DPP10: variants seen among roughly 807,000 people sequenced by gnomAD.
DPP10 encodes inactive dipeptidyl peptidase 10.
In DPP10, 33 loss-of-function variants were observed where a neutral mutation model predicts 120.9. That is an observed-to-expected ratio of 0.27 (90% CI 0.21 to 0.37). DPP10 has a LOEUF of 0.37. DPP10 is among the 10% of genes least tolerant of loss of function. The pLI is 1.00. For synonymous variants in DPP10, 337 were observed against 326.1 expected (o/e 1.03, Z -0.36); for missense variants, 816 against 942.8 (o/e 0.87, Z 1.76).
intron 1 of DPP10, among the ~76,000 whole-genome samples, chr2:115,243,962 G>A (rs907857329): frequency 1.3e-5 from 2 of 150,894 alleles, no homozygotes; most frequent in African/African-American, 2.4e-5. Flanking sequence ...AATTTTTCTT[G>A]TTATTTTGAA....
At chr2:114,860,185 T>C (rs1438599511) in intron 1 of DPP10, among the ~76,000 whole-genome samples, 1 of 152,202 alleles carries the variant, frequency 6.6e-6, no homozygotes, top group African/African-American at 2.4e-5. Context: ...TTCATTTCAT[T>C]AAGATTAAAT....
rs755009555 is a variant in DPP10, at chr2:114,850,000, T to A, written c.60+407162T>A. Among the ~76,000 whole-genome samples, 115 of 114,416 alleles carry A rather than the reference T, an allele frequency of 1.0e-3. 1 individual carries two copies. Among genetic ancestry groups the A allele is most frequent in the Non-Finnish European group, 2.5e-4 (14 of 56,608 alleles). 75.1% of individuals were successfully genotyped at this position (114,416 alleles called of 152,430 possible). The stretch of plus-strand genomic sequence containing the variant: ...TCCCTCCCCTCTCCTCCCCATCCCC[T>A]CCCCTCCCTTCCCTTCCCTTCCCTT... On this transcript the variant is annotated intron_variant, in intron 1 of 25. Transcript: ENST00000410059.
At chr2:114,824,723 G>A (rs758770006) in intron 1 of DPP10, among the ~76,000 whole-genome samples, 35 of 152,162 alleles carry the variant, frequency 2.3e-4, no homozygotes, top group East Asian at 1.2e-3. Context: ...TAAAAATAGC[G>A]TTAATTGATT....
chr2:114,997,506 A>G (rs1008095866), intron 1 of DPP10, among the ~76,000 whole-genome samples: 1 of 6,754 alleles, frequency 1.5e-4, no homozygotes, highest in African/African-American at 1.6e-4. Context: ...AAAAGAAAAA[A>G]AAAAAGAAAA....
chr2:115,800,360 A>G (rs1424838140), intron 19 of DPP10, among the ~76,000 whole-genome samples: 8 of 152,074 alleles, frequency 5.3e-5, no homozygotes, highest in Admixed American at 1.3e-4. Context: ...AGTAGGTTGC[A>G]AAAATTTTCT....
intron 1 of DPP10, among the ~76,000 whole-genome samples, chr2:114,566,989 T>C (rs1346826946): frequency 6.6e-6 from 1 of 152,170 alleles, no homozygotes; most frequent in African/African-American, 2.4e-5. Context: ...GTTGGTTCAT[T>C]ACAGCACCAG....
At chr2:115,660,655 C>CTTTTTTTTT in intron 5 of DPP10, among the ~76,000 whole-genome samples, 7 of 25,320 alleles carry the variant, frequency 2.8e-4, no homozygotes, top group African/African-American at 4.7e-4. Context: ...CTCTGTCTGG[C>CTTTTTTTTT]TTTTTTTTTT....
At chr2:114,833,842 G>T (rs1380287561) in intron 1 of DPP10, 12 of 152,112 alleles carry the variant, frequency 7.9e-5, no homozygotes, top group Admixed American at 7.9e-4. Flanking sequence ...GAATTGATAT[G>T]GTCAAAATCA....
intron 1 of DPP10, among the ~76,000 whole-genome samples, chr2:114,945,197 A>G (rs1697255324): frequency 6.6e-6 from 1 of 152,228 alleles, no homozygotes; most frequent in Non-Finnish European, 1.5e-5. Context: ...GATATTTTAG[A>G]TACAATACTA....
intron 4 of DPP10, among the ~76,000 whole-genome samples, chr2:115,512,662 G>A (rs532587615): frequency 1.8e-4 from 28 of 151,824 alleles, no homozygotes; most frequent in African/African-American, 6.5e-4. Flanking sequence ...TGGTTATTTA[G>A]GTAACTGTTG....
chr2:115,716,012 G>A (rs751299764), intron 7 of DPP10, among the ~76,000 whole-genome samples: 7 of 152,092 alleles, frequency 4.6e-5, no homozygotes, highest in African/African-American at 9.7e-5. Context: ...AAGTGAATGC[G>A]GTTCACTAAG....
chr2:114,983,341 TCTTG>T (rs1401896691), intron 1 of DPP10, among the ~76,000 whole-genome samples: 4 of 152,334 alleles, frequency 2.6e-5, no homozygotes, highest in East Asian at 1.9e-4. Flanking sequence ...TGAAAGCTCT[TCTTG>T]CTTCTGTATT....
At chr2:114,703,672 G>A (rs1700516154) in intron 1 of DPP10, among the ~76,000 whole-genome samples, 1 of 152,098 alleles carries the variant, frequency 6.6e-6, no homozygotes, top group Non-Finnish European at 1.5e-5. Flanking sequence ...GTGGTGACTG[G>A]TATATCAGGC....
Position 115,702,764 on chromosome 2 carries a change from A to G in DPP10, c.576+12843A>G, listed in dbSNP as rs185241823. Among the ~76,000 whole-genome samples the G allele has an allele frequency of 5.3e-5, 8 of 152,216 alleles. No homozygotes were observed. The East Asian group carries it at 1.5e-3, about 29-fold the overall frequency. Reference sequence around the variant, plus strand: ...CTTTTTGAGATAATGCAAATTTTATAAAATTGACTGTGATAATAGCTGCAC... The same window carrying G: ...CTTTTTGAGATAATGCAAATTTTATGAAATTGACTGTGATAATAGCTGCAC... On this transcript the variant is annotated intron_variant, in intron 7 of 25. Transcript: ENST00000410059.
chr2:115,818,912 G>GA (rs35226682), intron 21 of DPP10, among the ~76,000 whole-genome samples: 44,727 of 151,940 alleles, frequency 0.29, 6,801 homozygotes, highest in Middle Eastern at 0.46. Context: ...ATCTTAAATG[G>GA]AAAAAATATT....
Position 114,966,617 on chromosome 2 carries a change from G to T in DPP10, c.61-342622G>T, listed in dbSNP as rs1171925653. The stretch of plus-strand genomic sequence containing the variant: ...TTTCTTCACAGACAGCCCAGTCTCA[G>T]GTATTCTGTTACAGCAACACACATG... On this transcript the variant is annotated intron_variant, in intron 1 of 25. Transcript: ENST00000410059. Among the ~76,000 whole-genome samples the T allele has an allele frequency of 3.3e-5, 5 of 152,260 alleles. No individual in the cohort carries two copies. The South Asian group carries it at 8.3e-4, about 25-fold the overall frequency.
At chr2:115,027,538 A>G (rs888111459) in intron 1 of DPP10, among the ~76,000 whole-genome samples, 3 of 152,054 alleles carry the variant, frequency 2.0e-5, no homozygotes, top group African/African-American at 7.2e-5. Context: ...GTTTGCTATT[A>G]TTTCATTGAG....
chr2:115,161,731 A>C, intron 1 of DPP10: 1 of 395,878 alleles, frequency 2.5e-6, no homozygotes, highest in African/African-American at 2.1e-5. Flanking sequence ...GGGGGCGGGG[A>C]GAGCGGGGAG....
intron 1 of DPP10, among the ~76,000 whole-genome samples, chr2:114,452,084 C>T (rs1678312569): frequency 6.6e-6 from 1 of 152,148 alleles, no homozygotes; most frequent in African/African-American, 2.4e-5. Flanking sequence ...TAATGCCAAT[C>T]ATTTAGCTGT....
Sources: allele counts gnomAD v4.1 joint callset (sites outside exome capture counted in the v4.1 genomes callset), GRCh38; gene constraint gnomAD v4.1.1; transcripts MANE v1.5; gene names NCBI Gene and HGNC (gene_info 2026-07-23, HGNC 2026-07-21).